The following MTOR variants were observed in gnomAD, a reference collection of about 807,000 sequenced individuals.
MTOR encodes mechanistic target of rapamycin kinase.
A neutral mutation model predicts 319.8 loss-of-function variants in MTOR; 70 were observed. The ratio of observed to expected loss-of-function variants is 0.22; its 90% CI spans 0.18 to 0.27. MTOR has a LOEUF of 0.27. Ranked by LOEUF, MTOR falls within the 10% of genes least tolerant of loss-of-function variation. The probability of loss-of-function intolerance (pLI) is 1.00; values close to 1 mark genes in which losing one functional copy is unlikely to be tolerated. For missense variants in MTOR, 1,890 were observed against 3,274.4 expected, an observed-to-expected ratio of 0.58 and a Z score of 10.32; for synonymous variants, 1,183 against 1,211.4, an observed-to-expected ratio of 0.98 and a Z score of 0.49.
chr1:11,203,756 T>C (rs1038288252), intron 26 of MTOR, among the ~76,000 whole-genome samples: 1 of 152,234 alleles, frequency 6.6e-6, no homozygotes, highest in Non-Finnish European at 1.5e-5. Flanking sequence ...GTTAGAATAT[T>C]ACTTCTCCTC....
intron 6 of MTOR, among the ~76,000 whole-genome samples, chr1:11,250,723 C>T (rs1343009851): frequency 1.3e-5 from 2 of 152,204 alleles, no homozygotes; most frequent in African/African-American, 2.4e-5. Flanking sequence ...TCAGTATCCT[C>T]ACTCAGGTGC....
At chr1:11,176,446 G>A (rs1285231954) in intron 28 of MTOR, among the ~76,000 whole-genome samples, 1 of 152,204 alleles carries the variant, frequency 6.6e-6, no homozygotes, top group Non-Finnish European at 1.5e-5. Flanking sequence ...CTTCCCCAGC[G>A]CTCCCATCAG....
chr1:11,244,959 A>G (rs1241148401), intron 8 of MTOR, among the ~76,000 whole-genome samples: 1 of 152,198 alleles, frequency 6.6e-6, no homozygotes, highest in Non-Finnish European at 1.5e-5. Context: ...TTCTCCTAAG[A>G]CGCATTTCTC....
intron 49 of MTOR, 105 bp from the exon 50 acceptor site, chr1:11,117,191 C>T (rs936182171): frequency 1.6e-5 from 14 of 902,188 alleles, no homozygotes; most frequent in Admixed American, 2.8e-5. Flanking sequence ...GACCGAGTCT[C>T]GCTCTGTCGC....
In MTOR at chr1:11,124,644, C is replaced by G. The variant is rs1642725939; in HGVS notation, c.6527-11G>C. ...CATGTCCGTTGCTGCCTGTAAGGAA[C>G]AGTGGGAGCGGTGAGTGTACATCAG... On this transcript the variant is annotated splice_polypyrimidine_tract_variant and intron_variant, in intron 46 of 57. Transcript: ENST00000361445. 1 of 1,604,598 alleles carries G rather than the reference C, an allele frequency of 6.2e-7. No homozygotes were observed. Among genetic ancestry groups the G allele is most frequent in the East Asian group, 2.2e-5 (1 of 44,612 alleles).
At chr1:11,107,570 G>GAA in intron 57 of MTOR, 70 bp from the exon 58 acceptor site, 1 of 1,560,904 alleles carries the variant, frequency 6.4e-7, no homozygotes, top group Admixed American at 1.9e-5. Context: ...CAGATAACTT[G>GAA]AAAATGAAAA....
chr1:11,258,787 A>G (rs1569854423), intron 2 of MTOR, among the ~76,000 whole-genome samples, 194 bp from the exon 3 acceptor site: 2 of 152,150 alleles, frequency 1.3e-5, no homozygotes, highest in Non-Finnish European at 2.9e-5. Context: ...TATTTAACAA[A>G]TATTTATTAG....
chr1:11,252,773 T>C (rs1649865644), intron 6 of MTOR, among the ~76,000 whole-genome samples: 2 of 152,236 alleles, frequency 1.3e-5, no homozygotes, highest in South Asian at 4.1e-4. Flanking sequence ...GTCTCACAGA[T>C]GGAGCTTTAC....
chr1:11,216,601 C>T (rs560402410), intron 19 of MTOR, among the ~76,000 whole-genome samples: 7 of 150,404 alleles, frequency 4.7e-5, no homozygotes, highest in East Asian at 3.9e-4. Context: ...GAGCTATGCA[C>T]GTGCCACTGC....
rs1034834683 is a variant in MTOR, at chr1:11,114,187, G to A, written c.7300+131C>T. 5 of 1,070,944 alleles carry A rather than the reference G, an allele frequency of 4.7e-6. No homozygotes were observed. The African/African-American group carries it at 6.3e-5, about 14-fold the overall frequency. 66.3% of individuals were successfully genotyped at this position (1,070,944 alleles called of 1,614,324 possible). On this transcript the variant is annotated intron_variant, in intron 53 of 57. Transcript: ENST00000361445. Reference sequence around the variant, plus strand: ...ATTTTTTCAGTTTTTGCAGAAAGGGGTCTTACTATGTTGCCCAGGCTGGTC... The same window carrying A: ...ATTTTTTCAGTTTTTGCAGAAAGGGATCTTACTATGTTGCCCAGGCTGGTC...
chr1:11,147,806 T>A (rs1183840267), intron 31 of MTOR, among the ~76,000 whole-genome samples: 1 of 152,182 alleles, frequency 6.6e-6, no homozygotes, highest in Non-Finnish European at 1.5e-5. Context: ...TCTCCCTTCT[T>A]ATCAAGACCA....
chr1:11,122,167 G>A (rs748428562), intron 47 of MTOR, 41 bp from the exon 48 acceptor site: 1 of 1,611,890 alleles, frequency 6.2e-7, no homozygotes, highest in African/African-American at 1.3e-5. Context: ...ACCGTAAAGA[G>A]AGTATACCCT....
chr1:11,156,001 A>AT (rs1000250655), intron 30 of MTOR, among the ~76,000 whole-genome samples: 3 of 151,678 alleles, frequency 2.0e-5, no homozygotes, highest in African/African-American at 7.3e-5. Context: ...ATTTTTATTT[A>AT]TTTTTTTGAG....
rs369585521 is a variant in MTOR, at chr1:11,189,726, G to A, written c.4253+9532C>T. The A allele has an allele frequency of 7.4e-6, 12 of 1,614,048 alleles. No individual in the cohort carries two copies. The African/African-American group carries it at 1.3e-4, about 18-fold the overall frequency. ...AAGCGGCCAACTGCTGTGAGGAGGTGAAGGAGCTCAAGGCCCAAGTTGCCA... is the reference window on the plus strand; with the variant it reads ...AAGCGGCCAACTGCTGTGAGGAGGTAAAGGAGCTCAAGGCCCAAGTTGCCA... On this transcript the variant is annotated intron_variant, in intron 28 of 57. Transcript: ENST00000361445.
In MTOR at chr1:11,128,318, G is replaced by A; in HGVS notation, c.5910+136C>T. 1 of 1,225,940 alleles carries A rather than the reference G, an allele frequency of 8.2e-7. No homozygotes were observed. Among genetic ancestry groups the A allele is most frequent in the Non-Finnish European group, 1.2e-6 (1 of 868,186 alleles). 75.9% of individuals were successfully genotyped at this position (1,225,940 alleles called of 1,614,324 possible). A position where few individuals can be genotyped will look rare whatever the true frequency, so the allele number is the denominator to read the frequency against. ...GGCTCCCGGGCCCTCTGGGACGGCTGGCTGGACAGACCCTCCTGGGCCAGG... is the reference window on the plus strand; with the variant it reads ...GGCTCCCGGGCCCTCTGGGACGGCTAGCTGGACAGACCCTCCTGGGCCAGG... On this transcript the variant is annotated intron_variant, in intron 42 of 57. Coordinates refer to ENST00000361445, the MANE Select transcript of MTOR (RefSeq NM_004958.4). This position sits in a 1 kb window ranked among gnomAD's most constrained non-coding sequence, Gnocchi z 5.3.
chr1:11,133,258 AC>A lies in MTOR; in HGVS notation c.5247-62del. The A allele has an allele frequency of 7.0e-7, 1 of 1,419,238 alleles. No homozygotes were observed. The highest frequency in any genetic ancestry group is 1.0e-6 in the Non-Finnish European group (1 of 1,004,796). 87.9% of individuals were successfully genotyped at this position (1,419,238 alleles called of 1,614,324 possible). A position where few individuals can be genotyped will look rare whatever the true frequency, so the allele number is the denominator to read the frequency against. ...TCCTCAAAACAGCCCTCCTAAGAGG[AC>A]CACAAATTGTTAGGGGACACTGAAG... On this transcript the variant is annotated intron_variant, in intron 37 of 57. Transcript: ENST00000361445. This position sits in a 1 kb window ranked among gnomAD's most constrained non-coding sequence, Gnocchi z 4.0.
chr1:11,216,654 A>T (rs1412086740), intron 19 of MTOR, among the ~76,000 whole-genome samples: 17 of 28,476 alleles, frequency 6.0e-4, no homozygotes, highest in East Asian at 7.7e-3. Flanking sequence ...CCTGTCTCTT[A>T]AAAAAAAAAA....
Position 11,106,984 on chromosome 1 carries a change from C to G in MTOR, c.*501G>C. The G allele has an allele frequency of 1.5e-6, 2 of 1,370,750 alleles. No individual in the cohort carries two copies. The highest frequency in any genetic ancestry group is 1.9e-6 in the Non-Finnish European group (2 of 1,038,862). 84.9% of individuals were successfully genotyped at this position (1,370,750 alleles called of 1,614,324 possible). ...AAACATTTCTGCTGCTGTCCACAGA[C>G]CAGTGAGGTCTTGGGATAGGTGGCA... On this transcript the variant is annotated 3_prime_UTR_variant, in exon 58 of 58. Coordinates refer to ENST00000361445, the MANE Select transcript of MTOR (RefSeq NM_004958.4).
chr1:11,231,130 T>C, intron 17 of MTOR, 76 bp from the exon 18 acceptor site: 1 of 1,606,730 alleles, frequency 6.2e-7, no homozygotes, highest in South Asian at 1.1e-5. Context: ...GATACTCCTC[T>C]CAGGTTACAT....
Sources: gnomAD v4.1 joint callset for allele counts (sites outside exome capture counted in the v4.1 genomes callset) on GRCh38, gnomAD v4.1.1 for gene constraint, Gnocchi (gnomAD v3.1) non-coding constraint, MANE v1.5 for transcripts, NCBI Gene and HGNC (gene_info 2026-07-23, HGNC 2026-07-21) for gene names.